KIRREL1: variants seen among roughly 807,000 people sequenced by gnomAD.
The protein encoded by KIRREL1 is kirre like nephrin family adhesion molecule 1, also known as kin of IRRE-like protein 1.
KIRREL1 carries 25 observed loss-of-function variants against 83.3 expected under a neutral mutation model. The ratio of observed to expected loss-of-function variants is 0.30; its 90% CI spans 0.22 to 0.42. KIRREL1 has a LOEUF of 0.42. Ranked by LOEUF, KIRREL1 falls within the 10% of genes least tolerant of loss-of-function variation. The probability of loss-of-function intolerance (pLI) is 1.00; values close to 1 mark genes in which losing one functional copy is unlikely to be tolerated. For synonymous variants in KIRREL1, 388 were observed against 410.4 expected (o/e 0.95, Z 0.66); for missense variants, 812 against 1,032.3 (o/e 0.79, Z 2.92).
Position 158,095,479 on chromosome 1 carries a change from T to G in KIRREL1, c.*359T>G. On this transcript the variant is annotated 3_prime_UTR_variant, in exon 15 of 15. Transcript: ENST00000359209. ...CCCTCTGATCTCCCATAAGTGGAAATGGGGGTACCCAGGGATGGGCAGGCT... is the reference window on the plus strand; with the variant it reads ...CCCTCTGATCTCCCATAAGTGGAAAGGGGGGTACCCAGGGATGGGCAGGCT... 1 of 192,500 alleles carries G rather than the reference T, an allele frequency of 5.2e-6. No individual in the cohort carries two copies. The highest frequency in any genetic ancestry group is 1.1e-5 in the Non-Finnish European group (1 of 95,210). The allele number at this position is 192,500 out of a possible 1,614,324, so 11.9% of individuals were successfully genotyped here.
intron 1 of KIRREL1, among the ~76,000 whole-genome samples, chr1:158,053,556 A>T (rs1402639287): frequency 6.6e-6 from 1 of 152,106 alleles, no homozygotes; most frequent in Non-Finnish European, 1.5e-5. Flanking sequence ...TGTGCCCAGA[A>T]TCCCTTTACT....
intron 1 of KIRREL1, among the ~76,000 whole-genome samples, chr1:158,032,706 G>A (rs1267461354): frequency 6.6e-6 from 1 of 152,048 alleles, no homozygotes; most frequent in Non-Finnish European, 1.5e-5. Flanking sequence ...ACCTTTCACT[G>A]CTTGTCCCCA....
At chr1:158,037,210 A>G (rs919063465) in intron 1 of KIRREL1, among the ~76,000 whole-genome samples, 1 of 152,194 alleles carries the variant, frequency 6.6e-6, no homozygotes, top group Admixed American at 6.5e-5. Context: ...AAAGGGGTCA[A>G]TCGGCCGGGC....
intron 1 of KIRREL1, among the ~76,000 whole-genome samples, chr1:158,040,492 G>T (rs759271425): frequency 5.9e-5 from 9 of 152,254 alleles, no homozygotes; most frequent in Non-Finnish European, 1.0e-4. Context: ...CAAGATTGTT[G>T]TGAGGGAGAA....
chr1:158,066,167 A>T (rs1015585462), intron 1 of KIRREL1, among the ~76,000 whole-genome samples: 7 of 151,790 alleles, frequency 4.6e-5, no homozygotes, highest in African/African-American at 1.5e-4. Flanking sequence ...AGCCACCGGG[A>T]ATTTGGAGAC....
At chr1:158,031,323 CTA>C in intron 1 of KIRREL1, among the ~76,000 whole-genome samples, 1 of 151,294 alleles carries the variant, frequency 6.6e-6, no homozygotes, top group African/African-American at 2.4e-5. Flanking sequence ...CTCCCCTCCA[CTA>C]AACACACACA....
At chr1:158,030,083 T>C (rs1660282940) in intron 1 of KIRREL1, among the ~76,000 whole-genome samples, 1 of 152,172 alleles carries the variant, frequency 6.6e-6, no homozygotes. Flanking sequence ...TTCTCAGGTA[T>C]GGAAATTGAA....
At chr1:158,060,512 T>G (rs1041317551) in intron 1 of KIRREL1, among the ~76,000 whole-genome samples, 2 of 152,182 alleles carry the variant, frequency 1.3e-5, no homozygotes, top group Non-Finnish European at 2.9e-5. Flanking sequence ...GGTCTCTTAC[T>G]TCAATCTGCC....
At chr1:158,002,305 T>C (rs1659383843) in intron 1 of KIRREL1, among the ~76,000 whole-genome samples, 1 of 152,198 alleles carries the variant, frequency 6.6e-6, no homozygotes, top group African/African-American at 2.4e-5. Flanking sequence ...ATGTCTACAC[T>C]GCCCAGAGTC....
chr1:158,009,077 C>A (rs1359356905), intron 1 of KIRREL1, among the ~76,000 whole-genome samples: 1 of 152,134 alleles, frequency 6.6e-6, no homozygotes, highest in Non-Finnish European at 1.5e-5. Flanking sequence ...GAGACAGAAA[C>A]CTTTGCCCGT....
At chr1:158,058,230 G>A (rs1230850591) in intron 1 of KIRREL1, among the ~76,000 whole-genome samples, 1 of 152,158 alleles carries the variant, frequency 6.6e-6, no homozygotes, top group African/African-American at 2.4e-5. Context: ...TGTGGTGCCT[G>A]GGATGAGGAA....
At chr1:158,084,604 C>A in intron 4 of KIRREL1, 25 bp downstream of exon 4, 3 of 1,549,504 alleles carry the variant, frequency 1.9e-6, no homozygotes, top group South Asian at 1.2e-5. Flanking sequence ...GCTCCCCCAG[C>A]TCCTCCTGGG....
intron 1 of KIRREL1, among the ~76,000 whole-genome samples, chr1:158,021,861 C>T (rs1660011549): frequency 6.6e-6 from 1 of 152,130 alleles, no homozygotes; most frequent in Non-Finnish European, 1.5e-5. Flanking sequence ...AGAGAAATGC[C>T]ATGTAACCTG....
chr1:158,004,052 G>A (rs1659447437), intron 1 of KIRREL1, among the ~76,000 whole-genome samples: 1 of 152,216 alleles, frequency 6.6e-6, no homozygotes, highest in Admixed American at 6.5e-5. Flanking sequence ...CAGGGGGCCT[G>A]TGGCAGAGTC....
At position 157,993,712 on chromosome 1, in the gene KIRREL1, C is replaced by G; in HGVS notation, c.36C>G (p.Ser12=). 4 of 1,494,836 alleles carry G rather than the reference C, an allele frequency of 2.7e-6. No individual in the cohort carries two copies. The highest frequency in any genetic ancestry group is 3.6e-6 in the Non-Finnish European group (4 of 1,120,684). The allele number at this position is 1,494,836 out of a possible 1,614,324, so 92.6% of individuals were successfully genotyped here. A position where few individuals can be genotyped will look rare whatever the true frequency, so the allele number is the denominator to read the frequency against. The part of the protein sequence containing the change: ...LSLLVWILTL[S]DTFSQGTQTR... The stretch of plus-strand genomic sequence containing the variant: ...TCCTCGTCTGGATCCTCACTCTCTC[C>G]GATACTTTCTCCCAAGGTAAGGGCC... Residue 12 remains serine, a synonymous_variant, in exon 1 of 15, where the codon TCC becomes TCG. Coordinates refer to ENST00000359209, the MANE Select transcript of KIRREL1 (RefSeq NM_018240.7).
chr1:158,017,516 A>G (rs1358925189), intron 1 of KIRREL1, among the ~76,000 whole-genome samples: 1 of 152,054 alleles, frequency 6.6e-6, no homozygotes, highest in East Asian at 1.9e-4. Flanking sequence ...ACATGGTGAA[A>G]TCTTGTCTCT....
At chr1:158,047,943 A>G (rs966180204) in intron 1 of KIRREL1, among the ~76,000 whole-genome samples, 2 of 152,144 alleles carry the variant, frequency 1.3e-5, no homozygotes, top group African/African-American at 4.8e-5. Context: ...CTGCAAAAGA[A>G]TCTGCTCTGA....
chr1:157,999,845 T>G (rs1659306725), intron 1 of KIRREL1, among the ~76,000 whole-genome samples: 1 of 152,054 alleles, frequency 6.6e-6, no homozygotes, highest in Admixed American at 6.5e-5. Context: ...AATAATGGGC[T>G]CTCTCAGAGT....
intron 1 of KIRREL1, among the ~76,000 whole-genome samples, chr1:158,051,374 A>C (rs1018317477): frequency 6.6e-6 from 1 of 152,206 alleles, no homozygotes; most frequent in Non-Finnish European, 1.5e-5. Context: ...AGTTATTCTT[A>C]TTAGTGGTTC....
Sources: allele counts gnomAD v4.1 joint callset (sites outside exome capture counted in the v4.1 genomes callset), GRCh38; gene constraint gnomAD v4.1.1; transcripts MANE v1.5; gene names NCBI Gene and HGNC (gene_info 2026-07-23, HGNC 2026-07-21).